The following FANCB variants were observed in gnomAD, a reference collection of about 807,000 sequenced individuals.
FANCB encodes the protein Fanconi anemia group B protein.
A neutral mutation model predicts 38.9 loss-of-function variants in FANCB; 5 were observed. That is an observed-to-expected ratio of 0.13 (90% confidence interval 0.07 to 0.27). The LOEUF is 0.27. Among genes scored for constraint, FANCB ranks in the 10% least tolerant of loss-of-function variants. FANCB has a pLI of 1.00. For missense variants in FANCB, 573 were observed against 602.7 expected, an observed-to-expected ratio of 0.95 and a Z score of 0.52; for synonymous variants, 236 against 215.4, an observed-to-expected ratio of 1.10 and a Z score of -0.84.
intron 3 of FANCB, among the ~76,000 whole-genome samples, chrX:14,861,738 T>C (rs1243009161): frequency 2.7e-5 from 3 of 112,811 alleles, no homozygotes; most frequent in African/African-American, 9.7e-5. Context: ...CTGTTAAAAC[T>C]AAAGGTAATT....
chrX:14,744,495 C>T, the FANCB span, among the ~76,000 whole-genome samples: 2 of 112,271 alleles, frequency 1.8e-5, no homozygotes, highest in African/African-American at 3.2e-5. Flanking sequence ...AATATTCTCA[C>T]ATCAACCCTT....
At chrX:14,823,107 A>G in the FANCB span, among the ~76,000 whole-genome samples, 3 of 72,309 alleles carry the variant, frequency 4.1e-5, no homozygotes, top group East Asian at 4.5e-4. Flanking sequence ...TTTTGAGACG[A>G]GTTTCGCTCT....
intron 3 of FANCB, among the ~76,000 whole-genome samples, chrX:14,863,728 C>T (rs1208874857): frequency 3.6e-5 from 4 of 112,567 alleles, no homozygotes; most frequent in African/African-American, 6.5e-5. Flanking sequence ...ATGCTTACCA[C>T]TTGTCTATGG....
chrX:14,773,414 A>G, the FANCB span, among the ~76,000 whole-genome samples: 4 of 111,817 alleles, frequency 3.6e-5, no homozygotes, highest in Non-Finnish European at 5.6e-5. Context: ...TTACTATGGG[A>G]ATCAGAAAAT....
the FANCB span, among the ~76,000 whole-genome samples, chrX:14,728,312 G>A: frequency 9.0e-6 from 1 of 111,122 alleles, no homozygotes; most frequent in South Asian, 3.8e-4. Flanking sequence ...AGGATCACTT[G>A]AGCCCAGGAG....
chrX:14,694,742 T>C, the FANCB span, among the ~76,000 whole-genome samples: 1 of 112,651 alleles, frequency 8.9e-6, no homozygotes, highest in Non-Finnish European at 1.9e-5. Flanking sequence ...TTAGAATACG[T>C]TGCTTCACAG....
chrX:14,735,728 G>A, the FANCB span, among the ~76,000 whole-genome samples: 4 of 112,681 alleles, frequency 3.5e-5, no homozygotes, highest in African/African-American at 1.3e-4. Context: ...AACCACTTGA[G>A]GAGGCAGTCT....
At chrX:14,822,304 A>G in the FANCB span, among the ~76,000 whole-genome samples, 44 of 109,916 alleles carry the variant, frequency 4.0e-4, no homozygotes, top group African/African-American at 1.4e-3. Context: ...TGATTGCCTG[A>G]TCCTCCACTG....
chrX:14,804,516 G>A, the FANCB span, among the ~76,000 whole-genome samples: 2 of 111,335 alleles, frequency 1.8e-5, no homozygotes, highest in Non-Finnish European at 3.8e-5. Context: ...GATAGCATTT[G>A]GAGATATACC....
chrX:14,848,966 G>A (rs779550452), intron 7 of FANCB, among the ~76,000 whole-genome samples: 2 of 111,075 alleles, frequency 1.8e-5, no homozygotes, highest in East Asian at 2.8e-4. Flanking sequence ...TCAACCTGCC[G>A]ATCTGCCTAG....
chrX:14,859,707 C>T (rs986434445), intron 3 of FANCB, among the ~76,000 whole-genome samples: 18 of 111,704 alleles, frequency 1.6e-4, no homozygotes, highest in African/African-American at 5.9e-4. Context: ...GATTCCTTCT[C>T]TCGCACAGCT....
At chrX:14,819,978 G>C in the FANCB span, among the ~76,000 whole-genome samples, 1 of 111,231 alleles carries the variant, frequency 9.0e-6, no homozygotes, top group Non-Finnish European at 1.9e-5. Context: ...TTTAAAACAA[G>C]TCAGAGGCTT....
chrX:14,784,151 G>A, the FANCB span, among the ~76,000 whole-genome samples: 12 of 112,237 alleles, frequency 1.1e-4, no homozygotes, highest in Non-Finnish European at 5.6e-5. Flanking sequence ...CGGAGGTTGC[G>A]GTGAGCAGAG....
At chrX:14,843,295 C>G (rs1337369677), downstream of FANCB, 22 of 290,500 alleles carry the variant, frequency 7.6e-5, no homozygotes, top group Non-Finnish European at 1.2e-4. Context: ...CCATAGCACC[C>G]CTGCCTCACC....
At chrX:14,786,029 T>C in the FANCB span, among the ~76,000 whole-genome samples, 1 of 111,819 alleles carries the variant, frequency 8.9e-6, no homozygotes, top group Non-Finnish European at 1.9e-5. Flanking sequence ...CTGCAATGTC[T>C]TCACCACCAT....
the FANCB span, among the ~76,000 whole-genome samples, chrX:14,725,885 T>C: frequency 1.8e-5 from 2 of 112,510 alleles, no homozygotes; most frequent in African/African-American, 6.5e-5. Flanking sequence ...CAAAGTGCGA[T>C]ATAAAAATTG....
the FANCB span, among the ~76,000 whole-genome samples, chrX:14,708,890 C>T: frequency 1.8e-5 from 2 of 110,137 alleles, no homozygotes; most frequent in Non-Finnish European, 3.8e-5. Context: ...GAGCCGAGAT[C>T]GCGCCATTGC....
intron 4 of FANCB, among the ~76,000 whole-genome samples, chrX:14,858,269 C>A (rs377364960): frequency 1.8e-5 from 2 of 110,073 alleles, no homozygotes; most frequent in African/African-American, 6.6e-5. Context: ...GTGGCGCGCA[C>A]CTGTAATCCC....
the FANCB span, among the ~76,000 whole-genome samples, chrX:14,796,400 T>C: frequency 1.2e-5 from 1 of 83,996 alleles, no homozygotes; most frequent in African/African-American, 4.5e-5. Flanking sequence ...ACACATAGGA[T>C]ATACATATAT....
Sources: gnomAD v4.1 joint callset for allele counts (sites outside exome capture counted in the v4.1 genomes callset) on GRCh38, gnomAD v4.1.1 for gene constraint, MANE v1.5 for transcripts, NCBI Gene and HGNC (gene_info 2026-07-23, HGNC 2026-07-21) for gene names.